The following PCDHA9 variants were observed in gnomAD, a reference collection of about 807,000 sequenced individuals.
PCDHA9 encodes the protein protocadherin alpha-9.
PCDHA9 carries 62 observed loss-of-function variants against 62.0 expected under a neutral mutation model. The ratio of observed to expected loss-of-function variants is 1.00; its 90% confidence interval spans 0.81 to 1.23. PCDHA9 has a LOEUF of 1.23. Ranked by LOEUF, PCDHA9 falls within the 50% of genes most tolerant of loss-of-function variation. PCDHA9 has a pLI of 0.00. For missense variants in PCDHA9, 1,205 were observed against 1,249.8 expected, an observed-to-expected ratio of 0.96 and a Z score of 0.54; for synonymous variants, 557 against 567.6, an observed-to-expected ratio of 0.98 and a Z score of 0.27.
chr5:140,913,463 G>C (rs1230048611), intron 1 of PCDHA9, among the ~76,000 whole-genome samples: 4 of 151,500 alleles, frequency 2.6e-5, no homozygotes, highest in African/African-American at 2.4e-5. Flanking sequence ...TATTTACTTG[G>C]GTCTTCTCTC....
At chr5:140,993,466 A>T (rs1374096077) in intron 3 of PCDHA9, among the ~76,000 whole-genome samples, 2 of 45,548 alleles carry the variant, frequency 4.4e-5, no homozygotes, top group African/African-American at 1.2e-4. Flanking sequence ...TCTTTCTCAC[A>T]CACACACACA....
chr5:140,996,557 T>C (rs1200836194), intron 3 of PCDHA9, among the ~76,000 whole-genome samples: 3 of 152,226 alleles, frequency 2.0e-5, no homozygotes, highest in Admixed American at 6.5e-5. Context: ...GTCACTATCT[T>C]GAAGTTCTTG....
intron 1 of PCDHA9, chr5:140,857,563 C>A (rs782037850): frequency 1.3e-6 from 2 of 1,596,904 alleles, no homozygotes; most frequent in Non-Finnish European, 8.6e-7. Flanking sequence ...CGCTGTCGAG[C>A]TACGTGTCGG....
In PCDHA9 at chr5:140,850,297, C is replaced by T. The variant is rs2150478357; in HGVS notation, c.1802C>T (p.Ser601Leu). Reference protein sequence around the residue: ...VGKVRAVDADSGYNAWLSYEL... With the variant: ...VGKVRAVDADLGYNAWLSYEL... The stretch of plus-strand genomic sequence containing the variant: ...AAGGTGCGCGCAGTGGACGCCGACT[C>T]GGGCTACAACGCGTGGCTTTCATAC... The change falls in exon 1 of 4, where the codon TCG becomes TTG. Residue 601 changes from serine (S) to leucine (L), a missense_variant. Ser to Leu is a moderately radical substitution (Grantham distance 145). Coordinates refer to ENST00000532602, the MANE Select transcript of PCDHA9 (RefSeq NM_031857.2). The T allele has an allele frequency of 2.5e-6, 4 of 1,596,320 alleles. No homozygotes were observed. The Admixed American group carries it at 5.1e-5, about 20-fold the overall frequency.
rs182448614 is a variant in PCDHA9, at chr5:140,856,533, G to T, written c.2394+5644G>T. The T allele has an allele frequency of 3.4e-4, 545 of 1,598,390 alleles. 56 individuals carry two copies. The highest frequency in any genetic ancestry group is 4.4e-4 in the Non-Finnish European group (516 of 1,167,858). On this transcript the variant is annotated intron_variant, in intron 1 of 3. Transcript: ENST00000532602. ...GAAGGCGCATCTGATGCGGATGTTG[G>T]AGAGAACGCATTGCTTACTTACAAA... is the stretch of plus-strand genomic sequence containing the variant.
intron 1 of PCDHA9, among the ~76,000 whole-genome samples, chr5:140,925,729 A>AAATATTTACAGAAAG (rs1334705925): frequency 8.6e-5 from 13 of 151,770 alleles, no homozygotes; most frequent in African/African-American, 2.9e-4. Context: ...GGTGTTTTCT[A>AAATATTTACAGAAAG]AATATTTACA....
chr5:140,863,403 C>A (rs1554158174), intron 1 of PCDHA9: 1 of 835,368 alleles, frequency 1.2e-6, no homozygotes, highest in South Asian at 1.3e-5. Flanking sequence ...CGGGCAAGCC[C>A]ACGCTGGTGT....
chr5:140,941,214 C>CCTTTCTTT lies in PCDHA9; in HGVS notation c.2395-37700_2395-37693dup, dbSNP rs60032403. On this transcript the variant is annotated intron_variant, in intron 1 of 3. Coordinates refer to ENST00000532602, the MANE Select transcript of PCDHA9 (RefSeq NM_031857.2). ...TTTTTTCTTTCTTCCTTTCTTTCTTCCTTTCTTTCTTTCTTTCTTTCTTTC... is the reference window on the plus strand; with the variant it reads ...TTTTTTCTTTCTTCCTTTCTTTCTTCCTTTCTTTCTTTCTTTCTTTCTTTCTTTCTTTC... Among the ~76,000 whole-genome samples, 464 of 122,456 alleles carry CCTTTCTTT rather than the reference C, an allele frequency of 3.8e-3. 7 individuals are homozygous for CCTTTCTTT. The highest frequency in any genetic ancestry group is 0.025 in the Middle Eastern group (6 of 238). 80.3% of individuals were successfully genotyped at this position (122,456 alleles called of 152,430 possible).
chr5:140,919,529 TC>T (rs2079177812), intron 1 of PCDHA9, among the ~76,000 whole-genome samples: 1 of 152,196 alleles, frequency 6.6e-6, no homozygotes. Context: ...TCTCTTTTTT[TC>T]CTATACTTTT....
chr5:141,010,446 C>T lies in PCDHA9; in HGVS notation c.*509C>T. The T allele has an allele frequency of 1.1e-6, 1 of 944,708 alleles. No homozygotes were observed. The highest frequency in any genetic ancestry group is 1.5e-6 in the Non-Finnish European group (1 of 656,274). 58.5% of individuals were successfully genotyped at this position (944,708 alleles called of 1,614,324 possible). ...AGGCAAGAAAACAAAGACAAATAAACAGCGGAAGTTATCAGTATGGAGGGG... is the reference window on the plus strand; with the variant it reads ...AGGCAAGAAAACAAAGACAAATAAATAGCGGAAGTTATCAGTATGGAGGGG... On this transcript the variant is annotated 3_prime_UTR_variant, in exon 4 of 4. Coordinates refer to ENST00000532602, the MANE Select transcript of PCDHA9 (RefSeq NM_031857.2).
At chr5:140,870,141 T>C in intron 1 of PCDHA9, 1 of 1,613,952 alleles carries the variant, frequency 6.2e-7, no homozygotes, top group Non-Finnish European at 8.5e-7. Flanking sequence ...ACGATAACTC[T>C]CCTGAAGTCG....
chr5:140,919,080 T>C (rs1208413625), intron 1 of PCDHA9, among the ~76,000 whole-genome samples: 1 of 152,260 alleles, frequency 6.6e-6, no homozygotes, highest in Non-Finnish European at 1.5e-5. Flanking sequence ...GTTATGACTA[T>C]TGAATTGTCT....
intron 3 of PCDHA9, 125 bp downstream of exon 3, chr5:140,982,688 A>G: frequency 6.4e-6 from 9 of 1,415,764 alleles, no homozygotes; most frequent in African/African-American, 1.4e-5. Flanking sequence ...CCTTTTTTCC[A>G]TACATACATG....
chr5:140,858,160 G>A, intron 1 of PCDHA9: 1 of 1,597,718 alleles, frequency 6.3e-7, no homozygotes, highest in Non-Finnish European at 8.6e-7. Flanking sequence ...CCATCTGCGC[G>A]GTGTCCAGCT....
chr5:140,870,732 T>G (rs782731773), intron 1 of PCDHA9: 27 of 1,613,288 alleles, frequency 1.7e-5, no homozygotes, highest in African/African-American at 2.7e-5. Flanking sequence ...GCGTGCCGCC[T>G]CTGAGCAGCA....
chr5:140,853,955 T>C (rs1554146923), intron 1 of PCDHA9: 2 of 752,526 alleles, frequency 2.7e-6, no homozygotes, highest in Non-Finnish European at 3.3e-6. Context: ...GGTCCCTTCC[T>C]TGAGCCCAGC....
rs533760082 is a variant in PCDHA9 at position 140,985,940 on chromosome 5, T to C, written c.2542+3377T>C. On this transcript the variant is annotated intron_variant, in intron 3 of 3. Coordinates refer to ENST00000532602, the MANE Select transcript of PCDHA9 (RefSeq NM_031857.2). ...ATTTTTAGTAGAGCCGGGGTTTCAC[T>C]GTGTTAGCCAGGATGGTCTCAATCT... is the stretch of plus-strand genomic sequence containing the variant. Among the ~76,000 whole-genome samples, 4 of 151,946 alleles carry C rather than the reference T, an allele frequency of 2.6e-5. No homozygotes were observed. In the South Asian group the frequency reaches 6.2e-4, roughly 24 times the overall value.
chr5:140,880,066 C>T (rs1582502313), intron 1 of PCDHA9, among the ~76,000 whole-genome samples: 1 of 152,176 alleles, frequency 6.6e-6, no homozygotes, highest in East Asian at 1.9e-4. Flanking sequence ...TTTTTGGGGA[C>T]CACAATTCAA....
intron 1 of PCDHA9, among the ~76,000 whole-genome samples, chr5:140,915,919 AC>A (rs1449299766): frequency 6.6e-6 from 1 of 152,102 alleles, no homozygotes; most frequent in Non-Finnish European, 1.5e-5. Flanking sequence ...CAGAGATGCT[AC>A]TTGGGAGTCA....
Sources: allele counts gnomAD v4.1 joint callset (sites outside exome capture counted in the v4.1 genomes callset), GRCh38; gene constraint gnomAD v4.1.1; transcripts MANE v1.5; gene names NCBI Gene and HGNC (gene_info 2026-07-23, HGNC 2026-07-21).